Variants in HOXB13 observed in about 807,000 individuals in gnomAD.
The protein encoded by HOXB13 is homeobox protein Hox-B13.
In HOXB13, 22 loss-of-function variants were observed where a neutral mutation model predicts 23.1. The observed-to-expected ratio is 0.95, with a 90% CI of 0.68 to 1.36. The LOEUF (loss-of-function observed/expected upper bound fraction) is 1.36, where lower values mean the gene tolerates loss of function less well. Ranked by LOEUF, HOXB13 falls within the 40% of genes most tolerant of loss-of-function variation. The pLI, the probability that HOXB13 is intolerant of heterozygous loss-of-function variation, is 0.00. For missense variants in HOXB13, 386 were observed against 376.2 expected, an observed-to-expected ratio of 1.03 and a Z score of -0.22; for synonymous variants, 173 against 157.9, an observed-to-expected ratio of 1.10 and a Z score of -0.72.
chr17:48,724,959 C>T lies in HOXB13; in HGVS notation c.*1831G>A, dbSNP rs2038191239. ...TTTTTCCTCTCTCCAAGGGGTCACC[C>T]CGCACCATGCCGCTCCCCCTCATCT... is the stretch of plus-strand genomic sequence containing the variant. On this transcript the variant is annotated 3_prime_UTR_variant, in exon 2 of 2. Transcript: ENST00000290295. 1 of 283,960 alleles carries T rather than the reference C, an allele frequency of 3.5e-6. No individual in the cohort carries two copies. Among genetic ancestry groups the T allele is most frequent in the Non-Finnish European group, 6.5e-6 (1 of 154,538 alleles). 17.6% of individuals were successfully genotyped at this position (283,960 alleles called of 1,614,324 possible).
At position 48,728,229 on chromosome 17, in the gene HOXB13, C is replaced by G. The variant is rs1010890339; in HGVS notation, c.365G>C (p.Ser122Thr). 6.2e-7 allele frequency: 1 copy of G among 1,614,118 alleles called. No homozygotes were observed. Among genetic ancestry groups the G allele is most frequent in the Non-Finnish European group, 8.5e-7 (1 of 1,180,056 alleles). ...ATAGAAGGCAAACTCAGTGGGGCGG[C>G]TGGGGTACTCTTCCCCGGCCGTGGG... The part of the protein sequence containing the change: ...ETPTAGEEYP[S>T]RPTEFAFYPG... Residue 122 changes from serine to threonine, a missense_variant, in exon 1 of 2, where the codon AGC becomes ACC. By Grantham distance (58) the Ser-to-Thr change is moderately conservative (BLOSUM62 1). Transcript: ENST00000290295.
chr17:48,725,677 A>G lies in HOXB13; in HGVS notation c.*1113T>C. 6.5e-6 allele frequency: 1 copy of G among 153,094 alleles called. No individual in the cohort carries two copies. The highest frequency in any genetic ancestry group is 1.5e-5 in the Non-Finnish European group (1 of 68,712). 9.5% of individuals were successfully genotyped at this position (153,094 alleles called of 1,614,324 possible). ...GCCCCCCACCCCCAGCCTAAGGTGC[A>G]GGAAGGACCAGCACGAACCCGCTGG... On this transcript the variant is annotated 3_prime_UTR_variant, in exon 2 of 2. Coordinates refer to ENST00000290295, the MANE Select transcript of HOXB13 (RefSeq NM_006361.6).
rs2038234803 is a variant in HOXB13, at chr17:48,728,234, GTACTCTTCCCCGGCCGTGGGA to G, written c.339_359del (p.Thr115_Pro121del). The G allele has an allele frequency of 1.2e-6, 2 of 1,614,084 alleles. No individual in the cohort carries two copies. On this transcript the variant is annotated inframe_deletion, in exon 1 of 2. Transcript: ENST00000290295. ...AGGCAAACTCAGTGGGGCGGCTGGG[GTACTCTTCCCCGGCCGTGGGA>G]GTCTCCGCGGGGTACGCGGCCAGGG...
Position 48,725,652 on chromosome 17 carries a change from G to C in HOXB13, c.*1138C>G. Reference sequence around the variant, plus strand: ...TCAATCGTGGAGAATGCGCCGGCAGGCCCCCCACCCCCAGCCTAAGGTGCA... The same window carrying C: ...TCAATCGTGGAGAATGCGCCGGCAGCCCCCCCACCCCCAGCCTAAGGTGCA... On this transcript the variant is annotated 3_prime_UTR_variant, in exon 2 of 2. Transcript: ENST00000290295. The C allele has an allele frequency of 6.5e-6, 1 of 152,818 alleles. No homozygotes were observed. Among genetic ancestry groups the C allele is most frequent in the Non-Finnish European group, 1.5e-5 (1 of 68,498 alleles). 9.5% of individuals were successfully genotyped at this position (152,818 alleles called of 1,614,324 possible).
In HOXB13 at chr17:48,727,001, C is replaced by T. The variant is rs1203218334; in HGVS notation, c.644G>A (p.Arg215His). The change falls in exon 2 of 2, where the codon CGC becomes CAC. Residue 215 changes from arginine to histidine, a missense_variant. Physicochemically the swap from Arg to His is conservative, Grantham distance 29. Transcript: ENST00000290295. ...GTACGGAATGCGTTTCTTGCGGCCG[C>T]GACGAAAGGCGCAGGCGTCAGGAGG... is the stretch of plus-strand genomic sequence containing the variant. Reference protein sequence around the residue: ...QHPPDACAFRRGRKKRIPYSK... With the variant: ...QHPPDACAFRHGRKKRIPYSK... The T allele has an allele frequency of 6.2e-7, 1 of 1,610,912 alleles. No individual in the cohort carries two copies. The highest frequency in any genetic ancestry group is 8.5e-7 in the Non-Finnish European group (1 of 1,180,006).
rs1197613952 is a variant in HOXB13 at position 48,728,333 on chromosome 17, G to A, written c.261C>T (p.Tyr87=). The change falls in exon 1 of 2, where the codon TAC becomes TAT. Residue 87 remains tyrosine, a synonymous_variant. Coordinates refer to ENST00000290295, the MANE Select transcript of HOXB13 (RefSeq NM_006361.6). The part of the protein sequence containing the change: ...PVPYGYFGGG[Y]YSCRVSRSSL... ...AGCTCCGGGACACTCGGCAGGAGTA[G>A]TACCCGCCTCCAAAGTAACCATAAG... The A allele has an allele frequency of 6.2e-7, 1 of 1,613,896 alleles. No homozygotes were observed. The highest frequency in any genetic ancestry group is 2.2e-5 in the East Asian group (1 of 44,874).
In HOXB13 at chr17:48,725,443, A is replaced by C. The variant is rs2143059868; in HGVS notation, c.*1347T>G. ...AGGATCCCACCCGACCGCGGGCCAT[A>C]AACACTTGGCTGCGGCGGCCGCCGC... On this transcript the variant is annotated 3_prime_UTR_variant, in exon 2 of 2. Transcript: ENST00000290295. 6.6e-6 allele frequency: 1 copy of C among 152,198 alleles called. No homozygotes were observed. Among genetic ancestry groups the C allele is most frequent in the South Asian group, 2.1e-4 (1 of 4,820 alleles). The allele number at this position is 152,198 out of a possible 1,614,324, so 9.4% of individuals were successfully genotyped here.
In HOXB13 at chr17:48,728,652, G is replaced by A. The variant is rs897662346; in HGVS notation, c.-59C>T. Reference sequence around the variant, plus strand: ...GGGGAATCTAGGGGGCACCCAGCTCGCTCTCCCCACCCAGGCCGGGGGAAT... The same window carrying A: ...GGGGAATCTAGGGGGCACCCAGCTCACTCTCCCCACCCAGGCCGGGGGAAT... On this transcript the variant is annotated 5_prime_UTR_variant, in exon 1 of 2. Transcript: ENST00000290295. 1.9e-6 allele frequency: 3 copies of A among 1,573,850 alleles called. No homozygotes were observed. Among genetic ancestry groups the A allele is most frequent in the East Asian group, 4.5e-5 (2 of 44,620 alleles).
Position 48,728,228 on chromosome 17 carries a change from G to A in HOXB13, c.366C>T (p.Ser122=), listed in dbSNP as rs8556. 0.14 allele frequency: 223,449 copies of A among 1,614,052 alleles called. 17,306 individuals are homozygous for A. The highest frequency in any genetic ancestry group is 0.27 in the African/African-American group (20,432 of 74,988). ...ETPTAGEEYP[S]RPTEFAFYPG... is the part of the protein sequence containing the mutation. ...GATAGAAGGCAAACTCAGTGGGGCG[G>A]CTGGGGTACTCTTCCCCGGCCGTGG... The change falls in exon 1 of 2, where the codon AGC becomes AGT. Residue 122 remains serine (S), a synonymous_variant. Transcript: ENST00000290295.
Position 48,726,733 on chromosome 17 carries a change from C to T in HOXB13, c.*57G>A, listed in dbSNP as rs141179592. 5.3e-4 allele frequency: 842 copies of T among 1,590,898 alleles called. 3 individuals are homozygous for T. The African/African-American group carries it at 9.9e-3, about 19-fold the overall frequency. On this transcript the variant is annotated 3_prime_UTR_variant, in exon 2 of 2. Coordinates refer to ENST00000290295, the MANE Select transcript of HOXB13 (RefSeq NM_006361.6). ...GGCCCCAGCCTGGGCTTGGCAGGTT[C>T]CTGGTCTCCCCAGGACACCCCCACT...
rs1440293968 is a variant in HOXB13, at chr17:48,727,995, G to A, written c.599C>T (p.Ala200Val). 1 of 1,613,350 alleles carries A rather than the reference G, an allele frequency of 6.2e-7. No individual in the cohort carries two copies. The highest frequency in any genetic ancestry group is 1.3e-5 in the African/African-American group (1 of 75,000). Reference sequence around the variant, plus strand: ...GGGACCCAGGGTAATAGAGGTACCTGCAAATGCTGCCTTCCAAAAGGGACC... The same window carrying A: ...GGGACCCAGGGTAATAGAGGTACCTACAAATGCTGCCTTCCAAAAGGGACC... ...PPGPFWKAAF[A>V]DSSGQHPPDA... Residue 200 changes from alanine (A) to valine (V), a missense_variant and splice_region_variant, in exon 1 of 2, where the codon GCA becomes GTA. Coordinates refer to ENST00000290295, the MANE Select transcript of HOXB13 (RefSeq NM_006361.6).
At position 48,728,607 on chromosome 17, in the gene HOXB13, G is replaced by A; in HGVS notation, c.-14C>T. 1 of 1,610,986 alleles carries A rather than the reference G, an allele frequency of 6.2e-7. No individual in the cohort carries two copies. On this transcript the variant is annotated 5_prime_UTR_variant, in exon 1 of 2. An upstream open reading frame in the 5' UTR gains an earlier in-frame stop. Transcript: ENST00000290295. ...GCCGGGCTCCATGGAGCCGAGGGTC[G>A]GCTCATGAGGTGCGGGGGCGGGGAA...
rs550968159 is a variant in HOXB13 at position 48,726,025 on chromosome 17, G to C, written c.*765C>G. ...GTCAGAACCACCAGAAATATTAAGG[G>C]AAGACTCAGAGAGTTTGGGGGAGGA... On this transcript the variant is annotated 3_prime_UTR_variant, in exon 2 of 2. Transcript: ENST00000290295. 1.2e-4 allele frequency: 18 copies of C among 152,386 alleles called. No homozygotes were observed. Among genetic ancestry groups the C allele is most frequent in the Admixed American group, 5.9e-4 (9 of 15,308 alleles). The allele number at this position is 152,386 out of a possible 1,614,324, so 9.4% of individuals were successfully genotyped here.
Position 48,726,554 on chromosome 17 carries a change from G to A in HOXB13, c.*236C>T. The A allele has an allele frequency of 1.8e-6, 1 of 567,852 alleles. No individual in the cohort carries two copies. The highest frequency in any genetic ancestry group is 3.1e-6 in the Non-Finnish European group (1 of 318,776). 35.2% of individuals were successfully genotyped at this position (567,852 alleles called of 1,614,324 possible). ...CTGTCAGGATGAATGATTATGACTG[G>A]GCCAGGTTCTTTGGGAACCCTGGTG... On this transcript the variant is annotated 3_prime_UTR_variant, in exon 2 of 2. Transcript: ENST00000290295.
At position 48,725,013 on chromosome 17, in the gene HOXB13, G is replaced by T; in HGVS notation, c.*1777C>A. ...TTGCCCCCTCCCCACAGGCCCATCT[G>T]CGCTGAACTCTCGCCAGTTCCGAAG... is the stretch of plus-strand genomic sequence containing the variant. On this transcript the variant is annotated 3_prime_UTR_variant, in exon 2 of 2. Coordinates refer to ENST00000290295, the MANE Select transcript of HOXB13 (RefSeq NM_006361.6). 4.8e-6 allele frequency: 1 copy of T among 208,270 alleles called. No homozygotes were observed. The highest frequency in any genetic ancestry group is 1.0e-4 in the East Asian group (1 of 9,562). The allele number at this position is 208,270 out of a possible 1,614,324, so 12.9% of individuals were successfully genotyped here.
rs533641489 is a variant in HOXB13 at position 48,728,245 on chromosome 17, C to T, written c.349G>A (p.Gly117Arg). 3 of 1,614,176 alleles carry T rather than the reference C, an allele frequency of 1.9e-6. No individual in the cohort carries two copies. The highest frequency in any genetic ancestry group is 1.7e-5 in the Admixed American group (1 of 60,032). Residue 117 changes from glycine to arginine, a missense_variant, in exon 1 of 2, where the codon GGG becomes AGG. Coordinates refer to ENST00000290295, the MANE Select transcript of HOXB13 (RefSeq NM_006361.6). ...GTGGGGCGGCTGGGGTACTCTTCCC[C>T]GGCCGTGGGAGTCTCCGCGGGGTAC... Reference protein sequence around the residue: ...AAYPAETPTAGEEYPSRPTEF... With the variant: ...AAYPAETPTAREEYPSRPTEF...
At position 48,727,000 on chromosome 17, in the gene HOXB13, G is replaced by A. The variant is rs931880786; in HGVS notation, c.645C>T (p.Arg215=). The A allele has an allele frequency of 1.9e-6, 3 of 1,610,946 alleles. No homozygotes were observed. Among genetic ancestry groups the A allele is most frequent in the Non-Finnish European group, 2.5e-6 (3 of 1,180,012 alleles). ...QHPPDACAFR[R]GRKKRIPYSK... is the part of the protein sequence containing the mutation. The stretch of plus-strand genomic sequence containing the variant: ...TGTACGGAATGCGTTTCTTGCGGCC[G>A]CGACGAAAGGCGCAGGCGTCAGGAG... The change falls in exon 2 of 2, where the codon CGC becomes CGT. Residue 215 remains arginine (R), a synonymous_variant. Transcript: ENST00000290295.
intron 1 of HOXB13, 53 bp downstream of exon 1, chr17:48,727,940 G>A: frequency 6.4e-7 from 1 of 1,568,728 alleles, no homozygotes; most frequent in East Asian, 2.2e-5. Flanking sequence ...AAATGCCATT[G>A]GGACCCACAA....
Position 48,725,345 on chromosome 17 carries a change from C to T in HOXB13, c.*1445G>A, listed in dbSNP as rs1246304192. The T allele has an allele frequency of 1.3e-5, 2 of 152,406 alleles. No individual in the cohort carries two copies. Among genetic ancestry groups the T allele is most frequent in the African/African-American group, 2.4e-5 (1 of 41,450 alleles). The allele number at this position is 152,406 out of a possible 1,614,324, so 9.4% of individuals were successfully genotyped here. On this transcript the variant is annotated 3_prime_UTR_variant, in exon 2 of 2. Coordinates refer to ENST00000290295, the MANE Select transcript of HOXB13 (RefSeq NM_006361.6). ...CCTTTTCCCTCAGTCCCGGGCTCCT[C>T]TTTGGTAAATAGATTTGTAGGTGTC...
Sources: gnomAD v4.1 joint callset for allele counts on GRCh38, gnomAD v4.1.1 for gene constraint, MANE v1.5 for transcripts, NCBI Gene and HGNC (gene_info 2026-07-23, HGNC 2026-07-21) for gene names.